TRIQK: variants seen among roughly 807,000 people sequenced by gnomAD.
TRIQK encodes triple QxxK/R motif-containing protein.
TRIQK carries 10 observed loss-of-function variants against 10.8 expected under a neutral mutation model. The observed-to-expected ratio is 0.92, with a 90% CI of 0.57 to 1.57. The LOEUF is 1.57. Ranked by LOEUF, TRIQK falls within the 40% of genes most tolerant of loss-of-function variation. The pLI is 0.00. For synonymous variants in TRIQK, 33 were observed against 33.7 expected, an observed-to-expected ratio of 0.98 and a Z score of 0.07; for missense variants, 107 against 97.7, an observed-to-expected ratio of 1.09 and a Z score of -0.40.
intron 1 of TRIQK, among the ~76,000 whole-genome samples, chr8:92,991,766 G>A (rs555119120): frequency 1.3e-5 from 2 of 152,266 alleles, no homozygotes; most frequent in East Asian, 3.9e-4. Context: ...CATCGTCTCA[G>A]CCCACATTCT....
chr8:92,996,194 G>A (rs1813152345), intron 1 of TRIQK, among the ~76,000 whole-genome samples: 1 of 152,040 alleles, frequency 6.6e-6, no homozygotes, highest in South Asian at 2.1e-4. Context: ...TGGTCTGCAA[G>A]ATTTGCATAA....
chr8:92,897,783 T>G (rs1808688026), intron 3 of TRIQK, among the ~76,000 whole-genome samples: 1 of 152,068 alleles, frequency 6.6e-6, no homozygotes, highest in Admixed American at 6.6e-5. Context: ...ATGTGACTAT[T>G]TGTGTGTGTG....
At chr8:92,904,361 C>A (rs960026233) in intron 3 of TRIQK, among the ~76,000 whole-genome samples, 1 of 152,100 alleles carries the variant, frequency 6.6e-6, no homozygotes, top group African/African-American at 2.4e-5. Flanking sequence ...GAAATGTATA[C>A]TCCTGGGGGA....
intron 1 of TRIQK, among the ~76,000 whole-genome samples, chr8:92,957,913 T>C (rs1812254600): frequency 6.6e-6 from 1 of 151,938 alleles, no homozygotes; most frequent in Non-Finnish European, 1.5e-5. Context: ...AACCTGTGTA[T>C]ACCTCAGTAC....
chr8:92,974,058 T>G (rs1248094445), intron 1 of TRIQK: 3 of 152,290 alleles, frequency 2.0e-5, no homozygotes, highest in African/African-American at 7.2e-5. Flanking sequence ...CTGGTATCCC[T>G]GTGCCATCAA....
chr8:92,905,711 A>G (rs1809217915), intron 3 of TRIQK, among the ~76,000 whole-genome samples: 1 of 152,162 alleles, frequency 6.6e-6, no homozygotes, highest in Non-Finnish European at 1.5e-5. Flanking sequence ...CTTGGAGTCT[A>G]TGACATGGTA....
chr8:93,015,583 G>A (rs1014274541), intron 1 of TRIQK, among the ~76,000 whole-genome samples: 3 of 151,252 alleles, frequency 2.0e-5, no homozygotes, highest in African/African-American at 4.9e-5. Flanking sequence ...ACAAATCCTC[G>A]CTTTTGCTGT....
chr8:92,892,581 C>G (rs192983318), intron 3 of TRIQK, among the ~76,000 whole-genome samples: 1 of 152,024 alleles, frequency 6.6e-6, no homozygotes, highest in East Asian at 1.9e-4. Flanking sequence ...TAACTTTTAG[C>G]CCCACCCTGA....
intron 2 of TRIQK, among the ~76,000 whole-genome samples, chr8:92,946,519 T>A (rs1174735451): frequency 2.6e-5 from 4 of 152,134 alleles, no homozygotes; most frequent in African/African-American, 9.6e-5. Flanking sequence ...AAAAAGGCGA[T>A]GAACTACTCT....
At chr8:92,935,233 C>T (rs1161486617) in intron 2 of TRIQK, among the ~76,000 whole-genome samples, 4 of 151,596 alleles carry the variant, frequency 2.6e-5, no homozygotes, top group South Asian at 2.1e-4. Context: ...AATGAAAATA[C>T]GAAAAATATA....
intron 2 of TRIQK, among the ~76,000 whole-genome samples, chr8:92,938,293 G>A (rs953801800): frequency 6.6e-5 from 10 of 151,780 alleles, no homozygotes; most frequent in African/African-American, 2.4e-4. Flanking sequence ...TATTCGAGGT[G>A]TACAACATGA....
intron 2 of TRIQK, among the ~76,000 whole-genome samples, chr8:92,930,953 T>A (rs543678567): frequency 2.0e-5 from 3 of 152,186 alleles, no homozygotes; most frequent in Non-Finnish European, 4.4e-5. Flanking sequence ...TATACTTTTA[T>A]CTCTGTAATT....
At chr8:92,911,504 G>T (rs1467243838) in intron 3 of TRIQK, among the ~76,000 whole-genome samples, 1 of 151,318 alleles carries the variant, frequency 6.6e-6, no homozygotes, top group African/African-American at 2.4e-5. Flanking sequence ...GATAAAAAAA[G>T]GTTCAGTTAT....
chr8:92,985,322 A>G (rs1243178380), intron 1 of TRIQK, among the ~76,000 whole-genome samples: 1 of 152,184 alleles, frequency 6.6e-6, no homozygotes, highest in Non-Finnish European at 1.5e-5. Flanking sequence ...ATTATTGCTC[A>G]TTATTTAGTC....
At chr8:92,975,917 G>T in intron 1 of TRIQK, among the ~76,000 whole-genome samples, 1 of 151,898 alleles carries the variant, frequency 6.6e-6, no homozygotes, top group Non-Finnish European at 1.5e-5. Flanking sequence ...TTTCTGATAT[G>T]ACTAATGGGT....
At chr8:92,907,547 A>G (rs944264709) in intron 3 of TRIQK, among the ~76,000 whole-genome samples, 3 of 152,216 alleles carry the variant, frequency 2.0e-5, no homozygotes, top group Admixed American at 6.5e-5. Flanking sequence ...GTCGTTATTA[A>G]AAAGTAAACA....
At chr8:92,924,466 T>G (rs192993747) in intron 2 of TRIQK, among the ~76,000 whole-genome samples, 2 of 152,162 alleles carry the variant, frequency 1.3e-5, no homozygotes, top group African/African-American at 4.8e-5. Flanking sequence ...TCCAGGAATT[T>G]ACTATGTTCT....
chr8:92,934,942 A>T (rs1420040746), intron 2 of TRIQK, among the ~76,000 whole-genome samples: 4 of 151,924 alleles, frequency 2.6e-5, no homozygotes, highest in African/African-American at 7.2e-5. Flanking sequence ...TAGATGGAAT[A>T]GTACAATACG....
chr8:92,924,421 T>C (rs1810339000), intron 2 of TRIQK, among the ~76,000 whole-genome samples: 1 of 152,046 alleles, frequency 6.6e-6, no homozygotes, highest in Non-Finnish European at 1.5e-5. Flanking sequence ...AAATTCAGCT[T>C]TTACTTCCTT....
Sources: gnomAD v4.1 joint callset for allele counts (sites outside exome capture counted in the v4.1 genomes callset) on GRCh38, gnomAD v4.1.1 for gene constraint, MANE v1.5 for transcripts, NCBI Gene and HGNC (gene_info 2026-07-23, HGNC 2026-07-21) for gene names.